Variants in SUGCT observed in about 807,000 individuals in gnomAD.
The protein encoded by SUGCT is succinyl-CoA:glutarate CoA-transferase.
SUGCT carries 41 observed loss-of-function variants against 55.0 expected under a neutral mutation model. The observed-to-expected ratio is 0.74, with a 90% confidence interval of 0.58 to 0.97. SUGCT has a LOEUF of 0.97. SUGCT is among the 50% of genes least tolerant of loss of function. SUGCT has a pLI of 0.00. For synonymous variants in SUGCT, 187 were observed against 200.4 expected (o/e 0.93, Z 0.56); for missense variants, 568 against 547.8 (o/e 1.04, Z -0.37).
rs1794450766 is a variant in SUGCT, at chr7:40,860,522, C to T, written c.*43C>T. ...TCCTCATAACCTCGATCCGAATACA[C>T]TGGCAAAGGCAACACTTTGCTTGGA... On this transcript the variant is annotated 3_prime_UTR_variant, in exon 14 of 14. Coordinates refer to ENST00000335693, the MANE Select transcript of SUGCT (RefSeq NM_001193313.2). 1.3e-6 allele frequency: 2 copies of T among 1,571,094 alleles called. No individual in the cohort carries two copies. Among genetic ancestry groups the T allele is most frequent in the Non-Finnish European group, 8.6e-7 (1 of 1,156,112 alleles).
At chr7:40,465,734 G>A (rs17171716) in intron 11 of SUGCT, among the ~76,000 whole-genome samples, 21,389 of 152,010 alleles carry the variant, frequency 0.14, 3,802 homozygotes, top group African/African-American at 0.42. Flanking sequence ...ACATTTCTTG[G>A]CTCTTGATGG....
intron 11 of SUGCT, among the ~76,000 whole-genome samples, chr7:40,487,791 A>G (rs575592024): frequency 6.6e-6 from 1 of 151,998 alleles, no homozygotes; most frequent in East Asian, 1.9e-4. Context: ...CAGTTTTTGC[A>G]TTAAAGCCTA....
chr7:40,634,876 C>A lies in SUGCT; in HGVS notation c.1090-114558C>A, dbSNP rs527294009. On this transcript the variant is annotated intron_variant, in intron 12 of 13. Coordinates refer to ENST00000335693, the MANE Select transcript of SUGCT (RefSeq NM_001193313.2). ...TGAAATTAATATGAATGAATACAGC[C>A]AATAACTCATCACAAATCTTGTAAA... Among the ~76,000 whole-genome samples the A allele has an allele frequency of 5.9e-5, 9 of 152,194 alleles. No individual in the cohort carries two copies. In the East Asian group the frequency reaches 1.7e-3, roughly 29 times the overall value.
chr7:40,693,001 T>C (rs1020759085), intron 12 of SUGCT, among the ~76,000 whole-genome samples: 1 of 152,194 alleles, frequency 6.6e-6, no homozygotes, highest in African/African-American at 2.4e-5. Context: ...TTACTTCATC[T>C]CTACTATACG....
chr7:40,525,222 C>T (rs1793735958), intron 12 of SUGCT, among the ~76,000 whole-genome samples: 1 of 151,988 alleles, frequency 6.6e-6, no homozygotes, highest in Non-Finnish European at 1.5e-5. Flanking sequence ...ACTGTTTGTC[C>T]AAAGATTTGG....
intron 11 of SUGCT, among the ~76,000 whole-genome samples, chr7:40,490,908 A>C (rs1791643168): frequency 6.6e-6 from 1 of 152,206 alleles, no homozygotes; most frequent in South Asian, 2.1e-4. Flanking sequence ...AATTAAGAGG[A>C]GATGCTGTGC....
intron 9 of SUGCT, among the ~76,000 whole-genome samples, chr7:40,412,527 C>T (rs569037878): frequency 4.8e-4 from 73 of 152,204 alleles, no homozygotes; most frequent in African/African-American, 1.4e-3. Flanking sequence ...AAGTTTCTTA[C>T]GCAATATTTT....
chr7:40,898,001 C>G, the SUGCT span, among the ~76,000 whole-genome samples: 1 of 152,254 alleles, frequency 6.6e-6, no homozygotes, highest in East Asian at 1.9e-4. Flanking sequence ...CGCTCAGGTT[C>G]CCTTCCGGTG....
At chr7:40,324,482 C>T (rs374862603) in intron 9 of SUGCT, among the ~76,000 whole-genome samples, 1 of 151,900 alleles carries the variant, frequency 6.6e-6, no homozygotes, top group Admixed American at 6.6e-5. Context: ...TCTTGAACTC[C>T]CAACCTCAGG....
At chr7:40,256,828 C>T (rs987374386) in intron 7 of SUGCT, among the ~76,000 whole-genome samples, 8 of 152,130 alleles carry the variant, frequency 5.3e-5, no homozygotes, top group African/African-American at 1.4e-4. Flanking sequence ...ATTGCAACCT[C>T]CACCTCCCAG....
the SUGCT span, among the ~76,000 whole-genome samples, chr7:40,877,252 A>G: frequency 2.6e-5 from 4 of 152,226 alleles, no homozygotes; most frequent in Non-Finnish European, 5.9e-5. Flanking sequence ...AGCAAGTGCT[A>G]AGAATACCTT....
rs77511072 is a variant in SUGCT, at chr7:40,683,515, G to A, written c.1090-65919G>A. Among the ~76,000 whole-genome samples the A allele has an allele frequency of 4.1e-3, 623 of 152,286 alleles. 4 individuals carry two copies. Among genetic ancestry groups the A allele is most frequent in the African/African-American group, 0.014 (576 of 41,562 alleles). ...TGAGAAATGGCTCCAGTGGAAGAAC[G>A]TGGAAGAAATTTGGTTGTTTGAAGT... is the stretch of plus-strand genomic sequence containing the variant. On this transcript the variant is annotated intron_variant, in intron 12 of 13. Coordinates refer to ENST00000335693, the MANE Select transcript of SUGCT (RefSeq NM_001193313.2).
At chr7:40,304,783 C>T (rs980935796) in intron 8 of SUGCT, among the ~76,000 whole-genome samples, 6 of 150,394 alleles carry the variant, frequency 4.0e-5, no homozygotes, top group Non-Finnish European at 4.4e-5. Flanking sequence ...CTGTTAATGT[C>T]ATTATTTCAT....
intron 12 of SUGCT, among the ~76,000 whole-genome samples, chr7:40,584,253 G>T (rs966023343): frequency 6.6e-6 from 1 of 152,042 alleles, no homozygotes; most frequent in African/African-American, 2.4e-5. Context: ...CTTTACAAAA[G>T]AATTTTAAAA....
intron 9 of SUGCT, among the ~76,000 whole-genome samples, chr7:40,379,456 G>C (rs992716452): frequency 5.9e-5 from 9 of 152,066 alleles, no homozygotes; most frequent in Non-Finnish European, 1.5e-5. Flanking sequence ...TTTTGTTGTT[G>C]CTGAATATTA....
intron 13 of SUGCT, among the ~76,000 whole-genome samples, chr7:40,807,126 A>G (rs2128754212): frequency 6.6e-6 from 1 of 152,354 alleles, no homozygotes; most frequent in South Asian, 2.1e-4. Flanking sequence ...CAGTTGCAGT[A>G]GCTTTATTTC....
intron 12 of SUGCT, among the ~76,000 whole-genome samples, chr7:40,585,724 G>A (rs931029779): frequency 6.6e-6 from 1 of 152,002 alleles, no homozygotes; most frequent in Non-Finnish European, 1.5e-5. Context: ...CTGGCACCCC[G>A]GCTAGAGTGT....
intron 12 of SUGCT, among the ~76,000 whole-genome samples, chr7:40,713,272 GTTC>G (rs1341392475): frequency 6.6e-6 from 1 of 152,168 alleles, no homozygotes. Flanking sequence ...GGGCAGTTTT[GTTC>G]TTCTTCCACT....
intron 7 of SUGCT, among the ~76,000 whole-genome samples, chr7:40,263,211 G>T (rs920414600): frequency 2.0e-5 from 3 of 152,082 alleles, no homozygotes; most frequent in African/African-American, 7.2e-5. Context: ...CATGAGCCAC[G>T]GTGCCCAGCC....
Sources: allele counts gnomAD v4.1 joint callset (sites outside exome capture counted in the v4.1 genomes callset), GRCh38; gene constraint gnomAD v4.1.1; transcripts MANE v1.5; gene names NCBI Gene and HGNC (gene_info 2026-07-23, HGNC 2026-07-21).